CALCRL: variants seen among roughly 807,000 people sequenced by gnomAD.
CALCRL encodes the protein calcitonin receptor like receptor.
CALCRL carries 27 observed loss-of-function variants against 60.4 expected under a neutral mutation model. The observed-to-expected ratio is 0.45, with a 90% CI of 0.33 to 0.62. The LOEUF is 0.62. CALCRL is among the 20% of genes least tolerant of loss of function. The pLI is 0.03. For missense variants in CALCRL, 424 were observed against 540.7 expected, an observed-to-expected ratio of 0.78 and a Z score of 2.14; for synonymous variants, 190 against 182.6, an observed-to-expected ratio of 1.04 and a Z score of -0.33.
At chr2:187,425,721 A>G (rs547143534) in intron 1 of CALCRL, among the ~76,000 whole-genome samples, 1 of 152,118 alleles carries the variant, frequency 6.6e-6, no homozygotes, top group South Asian at 2.1e-4. Flanking sequence ...GAAACACTCT[A>G]GTAAAGAGCA....
chr2:187,418,792 A>G (rs1478942773), intron 1 of CALCRL, among the ~76,000 whole-genome samples: 1 of 150,216 alleles, frequency 6.7e-6, no homozygotes, highest in Non-Finnish European at 1.5e-5. Context: ...AGCTTTTCCT[A>G]TATTCTAGAA....
chr2:187,389,873 C>T (rs1023067345), intron 1 of CALCRL, among the ~76,000 whole-genome samples: 2 of 151,880 alleles, frequency 1.3e-5, no homozygotes, highest in African/African-American at 2.4e-5. Context: ...TATCTATTTC[C>T]CTTGCAGATA....
At chr2:187,412,870 T>G (rs1689425166) in intron 1 of CALCRL, among the ~76,000 whole-genome samples, 1 of 152,204 alleles carries the variant, frequency 6.6e-6, no homozygotes, top group Non-Finnish European at 1.5e-5. Flanking sequence ...AATTAGTTTT[T>G]ATTGATTGTT....
intron 1 of CALCRL, among the ~76,000 whole-genome samples, chr2:187,390,683 T>C (rs1487669818): frequency 2.0e-5 from 3 of 152,142 alleles, no homozygotes; most frequent in Non-Finnish European, 4.4e-5. Context: ...TAATTCCACT[T>C]TTATAGCTTT....
chr2:187,413,986 AT>A (rs1185365087), intron 1 of CALCRL, among the ~76,000 whole-genome samples: 1 of 152,094 alleles, frequency 6.6e-6, no homozygotes, highest in African/African-American at 2.4e-5. Context: ...GGATAATAAT[AT>A]TATATTTCAT....
intron 1 of CALCRL, among the ~76,000 whole-genome samples, chr2:187,440,131 T>C (rs1690823555): frequency 6.6e-6 from 1 of 152,116 alleles, no homozygotes; most frequent in Non-Finnish European, 1.5e-5. Context: ...TTTAATTTCA[T>C]TGCAAATAGT....
At chr2:187,397,534 T>C (rs1688712660) in intron 1 of CALCRL, among the ~76,000 whole-genome samples, 1 of 151,750 alleles carries the variant, frequency 6.6e-6, no homozygotes, top group South Asian at 2.1e-4. Flanking sequence ...AATTTTACTT[T>C]ATTTTTTTGT....
intron 1 of CALCRL, among the ~76,000 whole-genome samples, chr2:187,443,324 A>T (rs1691013720): frequency 6.6e-6 from 1 of 151,874 alleles, no homozygotes; most frequent in South Asian, 2.1e-4. Context: ...GGTGAACATG[A>T]AAATTTATTG....
intron 1 of CALCRL, among the ~76,000 whole-genome samples, chr2:187,417,433 T>C (rs931182403): frequency 6.6e-6 from 1 of 152,112 alleles, no homozygotes; most frequent in Non-Finnish European, 1.5e-5. Context: ...TAGACTTCAA[T>C]TGATTTCAAT....
Position 187,365,007 on chromosome 2 carries a change from G to T in CALCRL, c.501-1505C>A, listed in dbSNP as rs552336575. 2.9e-4 allele frequency among the ~76,000 whole-genome samples: 44 copies of T among 152,216 alleles called. No individual in the cohort carries two copies. In the South Asian group the frequency reaches 8.1e-3, roughly 28 times the overall value. On this transcript the variant is annotated intron_variant, in intron 8 of 14. Coordinates refer to ENST00000392370, the MANE Select transcript of CALCRL (RefSeq NM_005795.6). ...CTTTGTAGTGTATAGGAGTAGTGAC[G>T]CAGACAGTAATCAGGGCTTATCTAC...
chr2:187,364,620 G>C (rs1687200572), intron 8 of CALCRL, among the ~76,000 whole-genome samples: 1 of 152,028 alleles, frequency 6.6e-6, no homozygotes, highest in South Asian at 2.1e-4. Flanking sequence ...TGTGTGCCCA[G>C]GATATTGGAA....
At chr2:187,406,369 G>A (rs1443378327) in intron 1 of CALCRL, among the ~76,000 whole-genome samples, 2 of 151,948 alleles carry the variant, frequency 1.3e-5, no homozygotes, top group African/African-American at 2.4e-5. Flanking sequence ...AAAAATGGAA[G>A]TAAATGTACT....
intron 1 of CALCRL, among the ~76,000 whole-genome samples, chr2:187,426,001 A>G (rs537297810): frequency 1.3e-5 from 2 of 152,018 alleles, no homozygotes; most frequent in African/African-American, 4.8e-5. Context: ...CCTTGAAATC[A>G]TATCCCAGTC....
chr2:187,343,578 G>C lies in CALCRL; in HGVS notation c.*2606C>G, dbSNP rs898842693. 2 of 151,786 alleles carry C rather than the reference G, an allele frequency of 1.3e-5. No homozygotes were observed. The highest frequency in any genetic ancestry group is 3.0e-5 in the Non-Finnish European group (2 of 67,536). 9.4% of individuals were successfully genotyped at this position (151,786 alleles called of 1,614,324 possible). On this transcript the variant is annotated 3_prime_UTR_variant, in exon 15 of 15. Transcript: ENST00000392370. ...CAGAATGAATATTTTATGAATAAAT[G>C]CATTGGAAATTAACTTTAGGAAATA...
intron 5 of CALCRL, among the ~76,000 whole-genome samples, chr2:187,381,297 T>G (rs1226222309): frequency 2.0e-5 from 3 of 152,262 alleles, no homozygotes; most frequent in Admixed American, 2.0e-4. Flanking sequence ...GACTCTTCAT[T>G]CCTTTTCTTT....
rs575981107 is a variant in CALCRL at position 187,369,454 on chromosome 2, G to T, written c.501-5952C>A. Among the ~76,000 whole-genome samples, 10 of 152,192 alleles carry T rather than the reference G, an allele frequency of 6.6e-5. No individual in the cohort carries two copies. The East Asian group carries it at 1.9e-3, about 29-fold the overall frequency. On this transcript the variant is annotated intron_variant, in intron 8 of 14. Coordinates refer to ENST00000392370, the MANE Select transcript of CALCRL (RefSeq NM_005795.6). Reference sequence around the variant, plus strand: ...TTGCTATCATATTTAACAACTCCTTGAAGTATTATTGTCTTTTAATAAAAT... The same window carrying T: ...TTGCTATCATATTTAACAACTCCTTTAAGTATTATTGTCTTTTAATAAAAT...
chr2:187,409,095 A>G (rs1416509575), intron 1 of CALCRL, among the ~76,000 whole-genome samples: 12 of 152,158 alleles, frequency 7.9e-5, no homozygotes. Flanking sequence ...GCTTTTTGTA[A>G]AGAAATCTTT....
At position 187,379,254 on chromosome 2, in the gene CALCRL, CTT is replaced by C. The variant is rs568893493; in HGVS notation, c.409-225_409-224del. 2.4e-4 allele frequency among the ~76,000 whole-genome samples: 37 copies of C among 151,718 alleles called. No homozygotes were observed. The South Asian group carries it at 6.9e-3, about 28-fold the overall frequency. On this transcript the variant is annotated intron_variant, in intron 7 of 14. Coordinates refer to ENST00000392370, the MANE Select transcript of CALCRL (RefSeq NM_005795.6). ...TTATCAAAATTTATAAGTTGTATGC[CTT>C]TTTATTTTTTTAATAATTTTTTAAA...
chr2:187,393,626 A>G (rs1688540096), intron 1 of CALCRL, among the ~76,000 whole-genome samples: 1 of 152,148 alleles, frequency 6.6e-6, no homozygotes, highest in Non-Finnish European at 1.5e-5. Flanking sequence ...TAACAAAGTG[A>G]TCACATAAAG....
Sources: allele counts gnomAD v4.1 joint callset (sites outside exome capture counted in the v4.1 genomes callset), GRCh38; gene constraint gnomAD v4.1.1; transcripts MANE v1.5; gene names NCBI Gene and HGNC (gene_info 2026-07-23, HGNC 2026-07-21).